The following KDM4C variants were observed in gnomAD, a reference collection of about 807,000 sequenced individuals.
KDM4C encodes the protein lysine-specific demethylase 4C.
Under a neutral mutation model 129.3 loss-of-function variants are expected in KDM4C, and 81 were observed. The observed-to-expected ratio is 0.63, with a 90% CI of 0.52 to 0.75. The LOEUF (loss-of-function observed/expected upper bound fraction) is 0.75, where lower values mean the gene tolerates loss of function less well. KDM4C is among the 30% of genes least tolerant of loss of function. The pLI, the probability that KDM4C is intolerant of heterozygous loss-of-function variation, is 0.00. For synonymous variants in KDM4C, 573 were observed against 456.1 expected, an observed-to-expected ratio of 1.26 and a Z score of -3.26; for missense variants, 1,457 against 1,304.0, an observed-to-expected ratio of 1.12 and a Z score of -1.81.
chr9:7,109,315 T>G (rs550069502), intron 18 of KDM4C, among the ~76,000 whole-genome samples: 1 of 152,338 alleles, frequency 6.6e-6, no homozygotes, highest in South Asian at 2.1e-4. Flanking sequence ...TAAACCAAAA[T>G]CAAGGTCAAC....
upstream of KDM4C, among the ~76,000 whole-genome samples, chr9:6,753,919 G>T (rs1217841924): frequency 3.1e-5 from 4 of 130,460 alleles, no homozygotes; most frequent in Non-Finnish European, 6.2e-5. Flanking sequence ...CTGTCACCCA[G>T]GCTGGAGTGC....
At chr9:6,932,104 T>G (rs969193088) in intron 8 of KDM4C, among the ~76,000 whole-genome samples, 1 of 152,234 alleles carries the variant, frequency 6.6e-6, no homozygotes, top group South Asian at 2.1e-4. Context: ...CCTTGGTGTT[T>G]GGGGTGGGGC....
At chr9:6,985,888 G>A (rs1281716514) in intron 10 of KDM4C, among the ~76,000 whole-genome samples, 4 of 152,068 alleles carry the variant, frequency 2.6e-5, no homozygotes, top group East Asian at 1.9e-4. Context: ...CTGGGGTTTC[G>A]CCGTGTTGGC....
chr9:6,824,686 TA>T (rs1833596826), intron 4 of KDM4C, among the ~76,000 whole-genome samples: 1 of 151,632 alleles, frequency 6.6e-6, no homozygotes, highest in African/African-American at 2.4e-5. Context: ...TTTAATTCAT[TA>T]AAACAGTCCA....
At chr9:7,018,177 G>T (rs911388682) in intron 15 of KDM4C, among the ~76,000 whole-genome samples, 1 of 152,194 alleles carries the variant, frequency 6.6e-6, no homozygotes, top group African/African-American at 2.4e-5. Flanking sequence ...ACACACCTAG[G>T]CTGTACGATG....
chr9:6,923,825 G>T (rs1402110544), intron 8 of KDM4C, among the ~76,000 whole-genome samples: 1 of 152,020 alleles, frequency 6.6e-6, no homozygotes, highest in African/African-American at 2.4e-5. Context: ...TTCTCTTTTT[G>T]GGGGCAGAGA....
chr9:6,832,724 C>CGTAAAGTAGTATAGA (rs1835102915), intron 4 of KDM4C, among the ~76,000 whole-genome samples: 1 of 119,514 alleles, frequency 8.4e-6, no homozygotes, highest in African/African-American at 3.3e-5. Context: ...TGTGCCCGGC[C>CGTAAAGTAGTATAGA]TTTTTTTTTT....
At chr9:6,929,471 CT>C (rs59537472) in intron 8 of KDM4C, among the ~76,000 whole-genome samples, 8,761 of 127,334 alleles carry the variant, frequency 0.069, 506 homozygotes, top group African/African-American at 0.21. Flanking sequence ...TTGACTTTTT[CT>C]TTTTTTTTTT....
chr9:6,756,173 C>G (rs943487754), upstream of KDM4C, among the ~76,000 whole-genome samples: 1 of 152,134 alleles, frequency 6.6e-6, no homozygotes, highest in Non-Finnish European at 1.5e-5. Flanking sequence ...TTCTTAACCG[C>G]TATGCTTCAG....
At chr9:6,744,498 G>C (rs1382514578) in intron 1 of KDM4C, among the ~76,000 whole-genome samples, 2 of 152,040 alleles carry the variant, frequency 1.3e-5, no homozygotes, top group African/African-American at 2.4e-5. Flanking sequence ...GCCCTCCAGT[G>C]TGGCGACAAA....
intron 1 of KDM4C, among the ~76,000 whole-genome samples, chr9:6,737,610 G>A (rs867449966): frequency 1.8e-4 from 25 of 139,366 alleles, no homozygotes; most frequent in African/African-American, 6.5e-4. Context: ...GTTGCAGTGA[G>A]CCGGGATCAC....
intron 15 of KDM4C, among the ~76,000 whole-genome samples, chr9:7,025,846 T>G (rs1825719933): frequency 6.6e-6 from 1 of 152,224 alleles, no homozygotes; most frequent in African/African-American, 2.4e-5. Context: ...TACTTACTAT[T>G]ACCAGTGAGT....
intron 8 of KDM4C, among the ~76,000 whole-genome samples, chr9:6,913,613 G>T (rs1819732899): frequency 6.6e-6 from 1 of 152,194 alleles, no homozygotes; most frequent in South Asian, 2.1e-4. Context: ...CTGTTGGTGG[G>T]TGTGGCAGAG....
intron 15 of KDM4C, among the ~76,000 whole-genome samples, chr9:7,016,149 A>G (rs1465426694): frequency 6.7e-6 from 1 of 148,510 alleles, no homozygotes; most frequent in Non-Finnish European, 1.5e-5. Flanking sequence ...TTTTTTTGAG[A>G]CGGAGTCTCT....
chr9:6,835,342 T>C (rs1034268951), intron 4 of KDM4C: 12 of 997,740 alleles, frequency 1.2e-5, no homozygotes, highest in Non-Finnish European at 1.8e-5. Context: ...CGCCAACACA[T>C]TGCTGTCTGG....
chr9:7,137,486 T>C (rs1841333635), intron 19 of KDM4C, among the ~76,000 whole-genome samples: 2 of 152,232 alleles, frequency 1.3e-5, no homozygotes, highest in South Asian at 4.1e-4. Flanking sequence ...GTACGTTAGC[T>C]GCCTATGATG....
chr9:6,838,289 C>T (rs1836250411), intron 4 of KDM4C, among the ~76,000 whole-genome samples: 1 of 152,098 alleles, frequency 6.6e-6, no homozygotes, highest in Non-Finnish European at 1.5e-5. Flanking sequence ...ACAATTTGTT[C>T]ATTATTTGCG....
intron 1 of KDM4C, chr9:6,726,439 A>G (rs1248571688): frequency 2.0e-5 from 3 of 152,274 alleles, no homozygotes; most frequent in Admixed American, 1.3e-4. Flanking sequence ...CTGGCCAGCT[A>G]AGTCAGTGAT....
chr9:7,078,966 G>A (rs1281020508), intron 17 of KDM4C, among the ~76,000 whole-genome samples: 2 of 152,120 alleles, frequency 1.3e-5, no homozygotes, highest in Non-Finnish European at 2.9e-5. Flanking sequence ...TTTATTGAGG[G>A]CTGATCACAT....
Sources: allele counts gnomAD v4.1 joint callset (sites outside exome capture counted in the v4.1 genomes callset), GRCh38; gene constraint gnomAD v4.1.1; transcripts MANE v1.5; gene names NCBI Gene and HGNC (gene_info 2026-07-23, HGNC 2026-07-21).